The following CHMP5 variants were observed in gnomAD, a reference collection of about 807,000 sequenced individuals.
CHMP5 encodes charged multivesicular body protein 5.
CHMP5 carries 17 observed loss-of-function variants against 33.0 expected under a neutral mutation model. That is an observed-to-expected ratio of 0.52 (90% CI 0.35 to 0.77). CHMP5 has a LOEUF of 0.77. Among genes scored for constraint, CHMP5 ranks in the 30% least tolerant of loss-of-function variants. The pLI is 0.01. For synonymous variants in CHMP5, 76 were observed against 90.2 expected (o/e 0.84, Z 0.89); for missense variants, 216 against 261.5 (o/e 0.83, Z 1.20).
chr9:33,272,341 C>T (rs1247502732), intron 5 of CHMP5, among the ~76,000 whole-genome samples: 2 of 148,074 alleles, frequency 1.4e-5, no homozygotes, highest in Admixed American at 1.4e-4. Context: ...ATGGTTGGTG[C>T]TCAGAAAGTA....
In CHMP5 at chr9:33,265,159, A is replaced by G. The variant is rs1211077869; in HGVS notation, c.69+12A>G. 1.9e-6 allele frequency: 3 copies of G among 1,613,330 alleles called. No individual in the cohort carries two copies. Among genetic ancestry groups the G allele is most frequent in the Non-Finnish European group, 2.5e-6 (3 of 1,179,780 alleles). On this transcript the variant is annotated intron_variant, in intron 1 of 7. Coordinates refer to ENST00000223500, the MANE Select transcript of CHMP5 (RefSeq NM_016410.6). ...ACTGCATTGGCACGGTGGGCATTTGATCATGCATAAGTAGGCTCAGGACCT... is the reference window on the plus strand; with the variant it reads ...ACTGCATTGGCACGGTGGGCATTTGGTCATGCATAAGTAGGCTCAGGACCT...
At chr9:33,271,972 G>A (rs1014700565) in intron 5 of CHMP5, among the ~76,000 whole-genome samples, 100 of 152,280 alleles carry the variant, frequency 6.6e-4, no homozygotes, top group African/African-American at 2.4e-3. Context: ...TATGTAAAAT[G>A]TTTAACCCAA....
chr9:33,267,332 A>T (rs1820739382), intron 2 of CHMP5, among the ~76,000 whole-genome samples: 1 of 152,240 alleles, frequency 6.6e-6, no homozygotes, highest in Non-Finnish European at 1.5e-5. Flanking sequence ...GAAACCAAAG[A>T]ATCAGTTTGA....
chr9:33,265,217 C>A, intron 1 of CHMP5, 70 bp downstream of exon 1: 1 of 1,483,236 alleles, frequency 6.7e-7, no homozygotes, highest in South Asian at 1.1e-5. Flanking sequence ...CCCCCAGCCC[C>A]GGGCCCATAT....
At chr9:33,265,986 G>C (rs1460808044) in intron 1 of CHMP5, 24 bp from the exon 2 acceptor site, 4 of 1,475,692 alleles carry the variant, frequency 2.7e-6, no homozygotes, top group Non-Finnish European at 3.8e-6. Context: ...GTAACTACCA[G>C]TGCATTTGAT....
Position 33,271,219 on chromosome 9 carries a change from T to C in CHMP5, c.383T>C (p.Ile128Thr). The C allele has an allele frequency of 6.2e-7, 1 of 1,612,692 alleles. No individual in the cohort carries two copies. Among genetic ancestry groups the C allele is most frequent in the Non-Finnish European group, 8.5e-7 (1 of 1,178,742 alleles). ...TACAAGCAAGTGAAGATCGACCAGA[T>C]TGAGGTGAGACATATGCTAGTTTCT... is the stretch of plus-strand genomic sequence containing the variant. Reference protein sequence around the residue: ...KAYKQVKIDQIEDLQDQLEDM... With the variant: ...KAYKQVKIDQTEDLQDQLEDM... Residue 128 changes from isoleucine (I) to threonine (T), a missense_variant, in exon 5 of 8, where the codon ATT becomes ACT. Physicochemically the swap from Ile to Thr is moderately conservative, Grantham distance 89 (BLOSUM62 -1). Coordinates refer to ENST00000223500, the MANE Select transcript of CHMP5 (RefSeq NM_016410.6).
chr9:33,267,766 G>A (rs1225222753), intron 2 of CHMP5, 87 bp from the exon 3 acceptor site: 3 of 805,610 alleles, frequency 3.7e-6, no homozygotes, highest in East Asian at 2.5e-5. Flanking sequence ...AGAGGAAGTA[G>A]GCATGTGAGT....
intron 2 of CHMP5, 88 bp from the exon 3 acceptor site, chr9:33,267,765 A>T: frequency 1.3e-6 from 1 of 798,634 alleles, no homozygotes; most frequent in Non-Finnish European, 2.2e-6. Context: ...GAGAGGAAGT[A>T]GGCATGTGAG....
intron 5 of CHMP5, among the ~76,000 whole-genome samples, chr9:33,271,759 C>G (rs2118027197): frequency 6.6e-6 from 1 of 152,254 alleles, no homozygotes; most frequent in South Asian, 2.1e-4. Context: ...GTAACCCTAT[C>G]ATAAGTCAAG....
rs201887701 is a variant in CHMP5, at chr9:33,278,946, CAG to C, written c.609+725_609+726del. 6.6e-3 allele frequency among the ~76,000 whole-genome samples: 1,002 copies of C among 151,954 alleles called. 7 individuals are homozygous for C. Among genetic ancestry groups the C allele is most frequent in the African/African-American group, 0.023 (952 of 41,450 alleles). ...TACATGATTGTCTTTTTTTTTGAGA[CAG>C]AGACTCATTCTGTCACTCAGGCTGG... On this transcript the variant is annotated intron_variant, in intron 7 of 7. Transcript: ENST00000223500.
intron 4 of CHMP5, 58 bp downstream of exon 4, chr9:33,270,774 G>A (rs1039017491): frequency 3.0e-5 from 43 of 1,412,094 alleles, no homozygotes; most frequent in Middle Eastern, 1.8e-4. Flanking sequence ...TCTCTTTTCC[G>A]ATGGCTTTTT....
At chr9:33,280,487 G>A (rs1259305371) in intron 7 of CHMP5, among the ~76,000 whole-genome samples, 1 of 152,156 alleles carries the variant, frequency 6.6e-6, no homozygotes, top group African/African-American at 2.4e-5. Context: ...TGGAGGCAAG[G>A]ACCCACTCCT....
intron 1 of CHMP5, among the ~76,000 whole-genome samples, chr9:33,265,554 G>A (rs1256019353): frequency 6.6e-6 from 1 of 152,152 alleles, no homozygotes; most frequent in Non-Finnish European, 1.5e-5. Context: ...ACATATCTGT[G>A]CCTTCGTCCT....
rs59657807 is a variant in CHMP5, at chr9:33,277,190, CAAAAAAAA to C, written c.496+643_496+650del. On this transcript the variant is annotated intron_variant, in intron 6 of 7. Transcript: ENST00000223500. ...TGGGCAACAGAGTGAGACCTTCTCTCAAAAAAAAAAAAAAAAAAAAAAAAGAATAGTTG... is the reference window on the plus strand; with the variant it reads ...TGGGCAACAGAGTGAGACCTTCTCTCAAAAAAAAAAAAAAAAGAATAGTTG... 1.5e-4 allele frequency among the ~76,000 whole-genome samples: 8 copies of C among 53,378 alleles called. No individual in the cohort carries two copies. The South Asian group carries it at 1.9e-3, about 13-fold the overall frequency. The allele number at this position is 53,378 out of a possible 152,430, so 35.0% of individuals were successfully genotyped here. A position where few individuals can be genotyped will look rare whatever the true frequency, so the allele number is the denominator to read the frequency against.
chr9:33,270,653 A>G lies in CHMP5; in HGVS notation c.252A>G (p.Gln84=), dbSNP rs573190258. The part of the protein sequence containing the change: ...MYEQQRDNLA[Q]QSFNMEQANY... ...AGCAGCAGCGGGACAATCTTGCCCA[A>G]CAGTCATTCAACATGGAACAAGCCA... is the stretch of plus-strand genomic sequence containing the variant. Residue 84 remains glutamine, a synonymous_variant, in exon 4 of 8, where the codon CAA becomes CAG. Transcript: ENST00000223500. 1 of 1,614,198 alleles carries G rather than the reference A, an allele frequency of 6.2e-7. No individual in the cohort carries two copies. Among genetic ancestry groups the G allele is most frequent in the African/African-American group, 1.3e-5 (1 of 75,048 alleles).
At chr9:33,280,069 C>T (rs763804466) in intron 7 of CHMP5, among the ~76,000 whole-genome samples, 3 of 151,986 alleles carry the variant, frequency 2.0e-5, no homozygotes, top group Non-Finnish European at 4.4e-5. Context: ...CCTCCACCCC[C>T]GGATTCAAGC....
intron 5 of CHMP5, among the ~76,000 whole-genome samples, chr9:33,273,985 G>T (rs1820824371): frequency 6.6e-6 from 1 of 151,746 alleles, no homozygotes; most frequent in African/African-American, 2.4e-5. Context: ...TAATTTGGCA[G>T]TTTGGTACTT....
chr9:33,280,751 C>CT (rs975719721), intron 7 of CHMP5, 58 bp from the exon 8 acceptor site: 43,738 of 1,072,976 alleles, frequency 0.041, 26 homozygotes, highest in Non-Finnish European at 0.046. Context: ...GTTTGTAATC[C>CT]TTTTTTTTTT....
intron 1 of CHMP5, among the ~76,000 whole-genome samples, chr9:33,265,611 C>T (rs1275342138): frequency 6.6e-6 from 1 of 152,204 alleles, no homozygotes; most frequent in Non-Finnish European, 1.5e-5. Context: ...TCAGATTAAG[C>T]CACCATCCCC....
Sources: allele counts gnomAD v4.1 joint callset (sites outside exome capture counted in the v4.1 genomes callset), GRCh38; gene constraint gnomAD v4.1.1; transcripts MANE v1.5; gene names NCBI Gene and HGNC (gene_info 2026-07-23, HGNC 2026-07-21).